KIAA1755: variants seen among roughly 807,000 people sequenced by gnomAD.
KIAA1755 encodes the protein KIAA1755, also known as uncharacterized protein KIAA1755.
In KIAA1755, 68 loss-of-function variants were observed where a neutral mutation model predicts 91.7. The observed-to-expected ratio is 0.74, with a 90% CI of 0.61 to 0.91. The LOEUF (loss-of-function observed/expected upper bound fraction) is 0.91. Ranked by LOEUF, KIAA1755 falls within the 40% of genes least tolerant of loss-of-function variation. The probability of loss-of-function intolerance (pLI) is 0.00; values close to 1 mark genes in which losing one functional copy is unlikely to be tolerated. For synonymous variants in KIAA1755, 610 were observed against 604.6 expected (o/e 1.01, Z -0.13); for missense variants, 1,535 against 1,494.4 (o/e 1.03, Z -0.45).
At position 38,241,327 on chromosome 20, in the gene KIAA1755, G is replaced by T; in HGVS notation, c.804C>A (p.Ser268Arg). The change falls in exon 3 of 14, where the codon AGC (serine) becomes AGA (arginine). Residue 268 changes from serine to arginine, a missense_variant. Transcript: ENST00000279024. ...EVAFRMDEVV[S>R]QDFEGDYVAL... Reference sequence around the variant, plus strand: ...CCACATAGTCTCCCTCGAAGTCCTGGCTGACCACCTCGTCCATCCTGAAAG... The same window carrying T: ...CCACATAGTCTCCCTCGAAGTCCTGTCTGACCACCTCGTCCATCCTGAAAG... The T allele has an allele frequency of 6.2e-7, 1 of 1,614,144 alleles. No individual in the cohort carries two copies. Among genetic ancestry groups the T allele is most frequent in the East Asian group, 2.2e-5 (1 of 44,874 alleles).
intron 13 of KIAA1755, among the ~76,000 whole-genome samples, chr20:38,216,057 C>T (rs112953348): frequency 2.0e-5 from 3 of 151,988 alleles, no homozygotes; most frequent in South Asian, 2.1e-4. Flanking sequence ...AGGATCGGGG[C>T]GACAATAAAA....
intron 2 of KIAA1755, among the ~76,000 whole-genome samples, chr20:38,242,368 C>T (rs1301871983): frequency 6.6e-6 from 1 of 152,152 alleles, no homozygotes. Flanking sequence ...CCCAATTTCC[C>T]TATCTGCAAA....
intron 5 of KIAA1755, among the ~76,000 whole-genome samples, chr20:38,230,626 C>T (rs528134753): frequency 3.8e-4 from 58 of 152,278 alleles, no homozygotes; most frequent in Non-Finnish European, 5.6e-4. Context: ...CGGTGGCTCA[C>T]GCCTGTAATC....
intron 1 of KIAA1755, among the ~76,000 whole-genome samples, chr20:38,256,940 C>A (rs546140011): frequency 5.9e-5 from 9 of 152,310 alleles, no homozygotes; most frequent in South Asian, 2.1e-4. Context: ...CCTCCTGGAA[C>A]CTTTGGTGGA....
intron 4 of KIAA1755, among the ~76,000 whole-genome samples, chr20:38,234,615 C>T (rs1216517999): frequency 9.2e-5 from 14 of 152,182 alleles, no homozygotes; most frequent in Non-Finnish European, 1.5e-5. Context: ...TGCCTCTCCC[C>T]CTAGCTCCAA....
At chr20:38,242,917 T>C (rs1332692406) in intron 2 of KIAA1755, among the ~76,000 whole-genome samples, 1 of 152,266 alleles carries the variant, frequency 6.6e-6, no homozygotes, top group Admixed American at 6.5e-5. Flanking sequence ...AAAGAAATTT[T>C]TTTTTAACAG....
intron 2 of KIAA1755, among the ~76,000 whole-genome samples, chr20:38,242,913 A>AT (rs34068365): frequency 2.4e-4 from 36 of 152,098 alleles, no homozygotes; most frequent in Middle Eastern, 6.8e-3. Context: ...TTAAAAAGAA[A>AT]TTTTTTTTTA....
At chr20:38,229,149 A>G (rs185010288) in intron 5 of KIAA1755, among the ~76,000 whole-genome samples, 180 of 152,308 alleles carry the variant, frequency 1.2e-3, no homozygotes, top group African/African-American at 4.0e-3. Flanking sequence ...ACAACCACTC[A>G]GTGCACAGAC....
intron 8 of KIAA1755, 97 bp from the exon 9 acceptor site, chr20:38,223,733 G>A: frequency 1.2e-6 from 1 of 842,268 alleles, no homozygotes; most frequent in Non-Finnish European, 1.9e-6. Flanking sequence ...GGGAGGCAGT[G>A]GCTCTCCAAC....
chr20:38,233,003 T>C (rs1258621342), intron 4 of KIAA1755, among the ~76,000 whole-genome samples: 1 of 152,088 alleles, frequency 6.6e-6, no homozygotes, highest in East Asian at 1.9e-4. Context: ...GTGCCTGCAG[T>C]CCCAGCTGCT....
Position 38,241,549 on chromosome 20 carries a change from C to A in KIAA1755, c.582G>T (p.Val194=). 6.2e-7 allele frequency: 1 copy of A among 1,614,252 alleles called. No individual in the cohort carries two copies. Among genetic ancestry groups the A allele is most frequent in the African/African-American group, 1.3e-5 (1 of 75,064 alleles). The change falls in exon 3 of 14, where the codon GTG becomes GTT. Residue 194 remains valine, a synonymous_variant. Transcript: ENST00000279024. ...GCCCCCAGGCTTGGCAGAGGGCATT[C>A]ACTACTTGGGGTCTGTCATCCACAA... ...PEFVDDRPQV[V]NALCQAWGPL... is the part of the protein sequence containing the mutation.
intron 2 of KIAA1755, among the ~76,000 whole-genome samples, chr20:38,244,918 G>C (rs951508045): frequency 2.0e-5 from 3 of 152,062 alleles, no homozygotes; most frequent in Non-Finnish European, 2.9e-5. Flanking sequence ...AGTAGAGACG[G>C]GGTTTCACCA....
At position 38,242,890 on chromosome 20, in the gene KIAA1755, G is replaced by C. The variant is rs117852979; in HGVS notation, c.202-961C>G. Among the ~76,000 whole-genome samples, 329 of 152,308 alleles carry C rather than the reference G, an allele frequency of 2.2e-3. 4 individuals carry two copies. The East Asian group carries it at 0.043, about 20-fold the overall frequency. ...CCCATTAATGGATAATAACACGAAG[G>C]TGAAGCAAAACTTTAAAAAGAAATT... On this transcript the variant is annotated intron_variant, in intron 2 of 13. Coordinates refer to ENST00000279024, the MANE Select transcript of KIAA1755 (RefSeq NM_001029864.2).
At chr20:38,232,258 C>T (rs993743964) in intron 4 of KIAA1755, among the ~76,000 whole-genome samples, 6 of 152,128 alleles carry the variant, frequency 3.9e-5, no homozygotes, top group East Asian at 3.9e-4. Flanking sequence ...TCACAAGTGC[C>T]GCCTCACAGG....
chr20:38,259,535 G>A (rs1473069890), intron 1 of KIAA1755, among the ~76,000 whole-genome samples: 2 of 111,218 alleles, frequency 1.8e-5, no homozygotes, highest in African/African-American at 5.8e-5. Flanking sequence ...GTGTGTGAGA[G>A]AGAGAGAGAG....
intron 7 of KIAA1755, 122 bp downstream of exon 7, chr20:38,227,032 C>T (rs2075769073): frequency 1.5e-6 from 1 of 656,266 alleles, no homozygotes; most frequent in Admixed American, 2.8e-5. Flanking sequence ...TATTGCCTTA[C>T]ACTAGATTAC....
At chr20:38,244,654 G>A (rs957781426) in intron 2 of KIAA1755, among the ~76,000 whole-genome samples, 2 of 152,132 alleles carry the variant, frequency 1.3e-5, no homozygotes, top group Non-Finnish European at 2.9e-5. Flanking sequence ...TTCCTGTGGT[G>A]GGCATTTGAC....
At chr20:38,218,851 C>T (rs1427458674) in intron 11 of KIAA1755, among the ~76,000 whole-genome samples, 1 of 152,128 alleles carries the variant, frequency 6.6e-6, no homozygotes, top group Non-Finnish European at 1.5e-5. Context: ...AAGCCACTCC[C>T]CCTTTCTGGG....
intron 1 of KIAA1755, among the ~76,000 whole-genome samples, chr20:38,258,953 G>A (rs1161450037): frequency 6.6e-6 from 1 of 152,180 alleles, no homozygotes; most frequent in Admixed American, 6.5e-5. Flanking sequence ...GAAAGCAGGA[G>A]AGGCTTGGCA....
Sources: gnomAD v4.1 joint callset for allele counts (sites outside exome capture counted in the v4.1 genomes callset) on GRCh38, gnomAD v4.1.1 for gene constraint, MANE v1.5 for transcripts, NCBI Gene and HGNC (gene_info 2026-07-23, HGNC 2026-07-21) for gene names.